AGBL4: variants seen among roughly 807,000 people sequenced by gnomAD.
AGBL4 encodes cytosolic carboxypeptidase 6.
AGBL4 carries 58 observed loss-of-function variants against 66.4 expected under a neutral mutation model. That is an observed-to-expected ratio of 0.87 (90% CI 0.71 to 1.09). AGBL4 has a LOEUF of 1.09. Ranked by LOEUF, AGBL4 falls within the 50% of genes least tolerant of loss-of-function variation. The pLI is 0.00. For missense variants in AGBL4, 579 were observed against 631.0 expected, an observed-to-expected ratio of 0.92 and a Z score of 0.88; for synonymous variants, 234 against 222.9, an observed-to-expected ratio of 1.05 and a Z score of -0.44.
intron 9 of AGBL4, among the ~76,000 whole-genome samples, chr1:48,593,229 G>A (rs1644943938): frequency 6.6e-6 from 1 of 152,082 alleles, no homozygotes; most frequent in Non-Finnish European, 1.5e-5. Context: ...CACACAAGTG[G>A]TAGCACCATA....
intron 6 of AGBL4, among the ~76,000 whole-genome samples, chr1:48,697,681 C>A (rs1447658326): frequency 2.0e-5 from 3 of 152,182 alleles, no homozygotes; most frequent in Non-Finnish European, 2.9e-5. Context: ...CTTGGTATCC[C>A]TGAAATCACA....
At chr1:49,335,496 G>A (rs564849147) in intron 3 of AGBL4, among the ~76,000 whole-genome samples, 12 of 152,036 alleles carry the variant, frequency 7.9e-5, no homozygotes, top group African/African-American at 2.2e-4. Context: ...CCTAACACAC[G>A]TAGAATAAAA....
At chr1:49,956,326 G>C (rs1443458642) in intron 1 of AGBL4, among the ~76,000 whole-genome samples, 1 of 151,750 alleles carries the variant, frequency 6.6e-6, no homozygotes, top group Non-Finnish European at 1.5e-5. Context: ...AAAATAATTT[G>C]TGACATACAT....
chr1:49,972,574 G>A (rs1465966453), intron 1 of AGBL4, among the ~76,000 whole-genome samples: 3 of 152,128 alleles, frequency 2.0e-5, no homozygotes, highest in African/African-American at 4.8e-5. Context: ...TTAGGCCTAG[G>A]AGCTCGAGAG....
chr1:49,172,195 C>T (rs1448863012), intron 4 of AGBL4, among the ~76,000 whole-genome samples: 11 of 152,306 alleles, frequency 7.2e-5, no homozygotes, highest in African/African-American at 2.6e-4. Flanking sequence ...TTCATTAATA[C>T]ACTGAATGTC....
chr1:49,073,760 T>G (rs1175772209), intron 4 of AGBL4, among the ~76,000 whole-genome samples: 1 of 152,180 alleles, frequency 6.6e-6, no homozygotes, highest in Non-Finnish European at 1.5e-5. Flanking sequence ...ACCCTGTCCA[T>G]TATTAGAACT....
Position 48,587,113 on chromosome 1 carries a change from G to A in AGBL4, c.1158C>T (p.Phe386=). 6.3e-7 allele frequency: 1 copy of A among 1,576,120 alleles called. No homozygotes were observed. Among genetic ancestry groups the A allele is most frequent in the Non-Finnish European group, 8.6e-7 (1 of 1,161,098 alleles). ...AAGTGTGGTCCAGGAGTCCACCGAG[G>A]AAGCGACGGCCAGTTCCTGCTTTCA... ...DAVKAGTGRR[F]LGGLLDHTSY... The change falls in exon 11 of 14, where the codon TTC becomes TTT. Residue 386 remains phenylalanine, a synonymous_variant. Coordinates refer to ENST00000371839, the MANE Select transcript of AGBL4 (RefSeq NM_032785.4).
At chr1:49,453,680 A>G (rs1037008641) in intron 3 of AGBL4, among the ~76,000 whole-genome samples, 1 of 151,864 alleles carries the variant, frequency 6.6e-6, no homozygotes, top group East Asian at 1.9e-4. Context: ...CCAATCAGAT[A>G]AAGAACATTT....
At chr1:49,749,340 C>G (rs534606680) in intron 2 of AGBL4, among the ~76,000 whole-genome samples, 6 of 151,970 alleles carry the variant, frequency 3.9e-5, no homozygotes, top group Admixed American at 1.3e-4. Flanking sequence ...ATTTCTGAGG[C>G]CTCTGTTCTG....
chr1:49,832,843 T>G (rs1417208274), intron 2 of AGBL4, among the ~76,000 whole-genome samples: 1 of 152,174 alleles, frequency 6.6e-6, no homozygotes, highest in African/African-American at 2.4e-5. Flanking sequence ...TTGATGGGGT[T>G]GTTTTTTTCT....
chr1:49,316,384 A>C (rs1331004795), intron 3 of AGBL4, among the ~76,000 whole-genome samples: 3 of 151,972 alleles, frequency 2.0e-5, no homozygotes, highest in Non-Finnish European at 4.4e-5. Context: ...AAACATCTGT[A>C]AATTTCATTC....
intron 5 of AGBL4, among the ~76,000 whole-genome samples, chr1:49,002,242 G>A (rs867841915): frequency 6.6e-6 from 1 of 152,326 alleles, no homozygotes; most frequent in African/African-American, 2.4e-5. Flanking sequence ...AGAGGAGGCA[G>A]TATTTGATCT....
At chr1:48,943,218 T>C (rs551036697) in intron 5 of AGBL4, among the ~76,000 whole-genome samples, 2 of 152,202 alleles carry the variant, frequency 1.3e-5, no homozygotes, top group Admixed American at 6.5e-5. Flanking sequence ...CCTGCCCCCA[T>C]AGCGCCTAAA....
At chr1:49,183,417 T>C (rs1646962669) in intron 4 of AGBL4, among the ~76,000 whole-genome samples, 1 of 152,166 alleles carries the variant, frequency 6.6e-6, no homozygotes, top group Admixed American at 6.6e-5. Context: ...GGTCTCTTCA[T>C]TGCCCATAAA....
intron 2 of AGBL4, among the ~76,000 whole-genome samples, chr1:49,737,501 T>C (rs1463618401): frequency 6.6e-6 from 1 of 152,022 alleles, no homozygotes; most frequent in Admixed American, 6.6e-5. Context: ...GACATAAAGA[T>C]GGGAAAATAG....
At chr1:49,735,242 G>C (rs1571434123) in intron 2 of AGBL4, among the ~76,000 whole-genome samples, 1 of 151,538 alleles carries the variant, frequency 6.6e-6, no homozygotes, top group African/African-American at 2.4e-5. Context: ...GGATTATCCA[G>C]GTAAGCTCAT....
At chr1:49,458,784 T>C (rs935211394) in intron 3 of AGBL4, among the ~76,000 whole-genome samples, 2 of 151,820 alleles carry the variant, frequency 1.3e-5, no homozygotes, top group Non-Finnish European at 2.9e-5. Context: ...TGGTGGATTT[T>C]GTCAAATGCT....
chr1:48,624,328 G>T (rs1283070864), intron 9 of AGBL4, among the ~76,000 whole-genome samples: 1 of 152,216 alleles, frequency 6.6e-6, no homozygotes, highest in Non-Finnish European at 1.5e-5. Flanking sequence ...GTCTTGCTGG[G>T]AAATGATGGG....
intron 6 of AGBL4, among the ~76,000 whole-genome samples, chr1:48,692,548 CA>C (rs1367156426): frequency 6.6e-6 from 1 of 152,178 alleles, no homozygotes; most frequent in African/African-American, 2.4e-5. Context: ...AGTCTGTTTG[CA>C]AACACAACTA....
Sources: allele counts gnomAD v4.1 joint callset (sites outside exome capture counted in the v4.1 genomes callset), GRCh38; gene constraint gnomAD v4.1.1; transcripts MANE v1.5; gene names NCBI Gene and HGNC (gene_info 2026-07-23, HGNC 2026-07-21).